ZNF17: variants seen among roughly 807,000 people sequenced by gnomAD.
ZNF17 encodes zinc finger protein 17 (HPF3, KOX 10).
ZNF17 carries 4 observed loss-of-function variants against 7.7 expected under a neutral mutation model. The observed-to-expected ratio is 0.52, with a 90% CI of 0.26 to 1.20. ZNF17 has a LOEUF of 1.20. Among genes scored for constraint, ZNF17 ranks in the 50% most tolerant of loss-of-function variants. ZNF17 has a pLI of 0.14. For synonymous variants in ZNF17, 249 were observed against 258.8 expected (o/e 0.96, Z 0.36); for missense variants, 738 against 799.5 (o/e 0.92, Z 0.93).
rs1443985820 is a variant in ZNF17 at position 57,419,620 on chromosome 19, G to T, written c.149-15G>T. The T allele has an allele frequency of 8.1e-6, 13 of 1,599,506 alleles. No individual in the cohort carries two copies. The highest frequency in any genetic ancestry group is 1.1e-5 in the Non-Finnish European group (13 of 1,170,816). ...TCCAAAGTCATCATGCACTTCATGAGCATTTCTGTTTTAGGTTGTTGGCAT... is the reference window on the plus strand; with the variant it reads ...TCCAAAGTCATCATGCACTTCATGATCATTTCTGTTTTAGGTTGTTGGCAT... On this transcript the variant is annotated splice_polypyrimidine_tract_variant and intron_variant, in intron 3 of 3. Transcript: ENST00000307658.
chr19:57,411,660 G>T, intron 1 of ZNF17: 1 of 1,343,568 alleles, frequency 7.4e-7, no homozygotes. Flanking sequence ...GGGTGAGGCG[G>T]AGTCTCGCCT....
At chr19:57,414,280 G>T (rs2088797245) in intron 2 of ZNF17, among the ~76,000 whole-genome samples, 2 of 151,400 alleles carry the variant, frequency 1.3e-5, no homozygotes, top group South Asian at 4.2e-4. Context: ...TGATCTGCCT[G>T]CCTCGGCCCT....
At position 57,420,261 on chromosome 19, in the gene ZNF17, C is replaced by T. The variant is rs377310839; in HGVS notation, c.775C>T (p.Leu259Phe). 1.6e-4 allele frequency: 254 copies of T among 1,613,892 alleles called. No individual in the cohort carries two copies. The highest frequency in any genetic ancestry group is 2.1e-4 in the Non-Finnish European group (250 of 1,180,016). ...TAGTGAATGTGGAAAAGCCTTCAGC[C>T]TCAAATACAATGTTGTTCAACACCA... ...KCSECGKAFS[L>F]KYNVVQHQKI... Residue 259 changes from leucine (L) to phenylalanine (F), a missense_variant, in exon 4 of 4, where the codon CTC becomes TTC. Coordinates refer to ENST00000307658, the MANE Select transcript of ZNF17 (RefSeq NM_001330617.2).
At position 57,421,077 on chromosome 19, in the gene ZNF17, A is replaced by G. The variant is rs1029457407; in HGVS notation, c.1591A>G (p.Ser531Gly). 2.5e-6 allele frequency: 4 copies of G among 1,614,160 alleles called. No individual in the cohort carries two copies. The highest frequency in any genetic ancestry group is 3.4e-6 in the Non-Finnish European group (4 of 1,179,978). ...CACTGGTGAAAGGCCTTATGAGTGTAGTGAATGTGGGAAATTCTTTAGGCA... is the reference window on the plus strand; with the variant it reads ...CACTGGTGAAAGGCCTTATGAGTGTGGTGAATGTGGGAAATTCTTTAGGCA... The part of the protein sequence containing the change: ...IHTGERPYEC[S>G]ECGKFFRHNS... Residue 531 changes from serine to glycine, a missense_variant, in exon 4 of 4, where the codon AGT becomes GGT. By Grantham distance (56) the Ser-to-Gly change is moderately conservative (BLOSUM62 0). Transcript: ENST00000307658.
At chr19:57,412,197 G>T (rs1192649246) in intron 1 of ZNF17, among the ~76,000 whole-genome samples, 3 of 152,122 alleles carry the variant, frequency 2.0e-5, no homozygotes, top group Non-Finnish European at 4.4e-5. Context: ...GTGTGAGGTG[G>T]TTTAGATTTC....
chr19:57,418,119 C>G, intron 3 of ZNF17, 81 bp downstream of exon 3: 2 of 1,538,314 alleles, frequency 1.3e-6, no homozygotes, highest in Admixed American at 1.8e-5. Flanking sequence ...CGTCTCACAC[C>G]AGGTCATGGA....
At position 57,411,272 on chromosome 19, in the gene ZNF17, T is replaced by G; in HGVS notation, c.-155T>G. 1.4e-6 allele frequency: 2 copies of G among 1,410,406 alleles called. No homozygotes were observed. Among genetic ancestry groups the G allele is most frequent in the East Asian group, 2.4e-5 (1 of 40,852 alleles). The allele number at this position is 1,410,406 out of a possible 1,614,324, so 87.4% of individuals were successfully genotyped here. ...AACGCGAGAAAAGGTTTCCCCGTTGTACAGAGGCTAGAGTGAGGCTCGGTT... is the reference window on the plus strand; with the variant it reads ...AACGCGAGAAAAGGTTTCCCCGTTGGACAGAGGCTAGAGTGAGGCTCGGTT... On this transcript the variant is annotated 5_prime_UTR_variant, in exon 1 of 4. Coordinates refer to ENST00000307658, the MANE Select transcript of ZNF17 (RefSeq NM_001330617.2).
chr19:57,421,094 CT>C lies in ZNF17; in HGVS notation c.1611del (p.Phe537LeufsTer155), dbSNP rs2088848300. On this transcript the variant is annotated frameshift_variant, in exon 4 of 4. Coordinates refer to ENST00000307658, the MANE Select transcript of ZNF17 (RefSeq NM_001330617.2). LOFTEE classifies it low-confidence loss of function (END_TRUNC). Reference protein sequence around the residue: ...PYECSECGKFFRHNSNHIRHR... With the variant: ...PYECSECGKFXRHNSNHIRHR... The stretch of plus-strand genomic sequence containing the variant: ...ATGAGTGTAGTGAATGTGGGAAATT[CT>C]TTAGGCACAACTCAAATCATATTAG... The C allele has an allele frequency of 6.2e-7, 1 of 1,614,062 alleles. No homozygotes were observed. Among genetic ancestry groups the C allele is most frequent in the South Asian group, 1.1e-5 (1 of 91,084 alleles).
intron 2 of ZNF17, among the ~76,000 whole-genome samples, chr19:57,417,187 A>G (rs1307137282): frequency 4.6e-5 from 7 of 152,130 alleles, no homozygotes; most frequent in African/African-American, 1.7e-4. Flanking sequence ...ATGCCACATC[A>G]CATAAAGCCA....
Position 57,419,991 on chromosome 19 carries a change from C to T in ZNF17, c.505C>T (p.Leu169Phe), listed in dbSNP as rs757894846. The part of the protein sequence containing the change: ...TGDSDLQQQA[L>F]HSGWKPHRDT... ...TGATTCAGATCTTCAACAACAGGCT[C>T]TTCACAGTGGGTGGAAGCCACACAG... The change falls in exon 4 of 4, where the codon CTT becomes TTT. Residue 169 changes from leucine (L) to phenylalanine (F), a missense_variant. Leu to Phe is a conservative substitution (Grantham distance 22). Around this residue, in one of 3 missense-constraint regions of ZNF17, gnomAD observed 616 missense variants for 663.9 expected, o/e 0.93. Coordinates refer to ENST00000307658, the MANE Select transcript of ZNF17 (RefSeq NM_001330617.2). 13 of 1,614,086 alleles carry T rather than the reference C, an allele frequency of 8.1e-6. No homozygotes were observed. In the African/African-American group the frequency reaches 1.5e-4, roughly 18 times the overall value.
intron 2 of ZNF17, 23 bp from the exon 3 acceptor site, chr19:57,417,889 C>T: frequency 6.3e-7 from 1 of 1,591,324 alleles, no homozygotes; most frequent in Non-Finnish European, 8.6e-7. Flanking sequence ...TGCTCACAGA[C>T]TAAACTGTTA....
intron 1 of ZNF17, chr19:57,411,725 C>A (rs998062488): frequency 3.3e-6 from 4 of 1,200,526 alleles, no homozygotes; most frequent in African/African-American, 1.5e-5. Flanking sequence ...AAGGGTTATG[C>A]CCAGAGGTAG....
Position 57,421,448 on chromosome 19 carries a change from T to A in ZNF17, c.1962T>A (p.His654Gln), listed in dbSNP as rs755132781. The change falls in exon 4 of 4, where the codon CAT becomes CAA. Residue 654 changes from histidine to glutamine, a missense_variant. By Grantham distance (24) the His-to-Gln change is conservative (BLOSUM62 0). Coordinates refer to ENST00000307658, the MANE Select transcript of ZNF17 (RefSeq NM_001330617.2). ...ECGRVFNQNS[H>Q]LIQHQKVHTR Reference sequence around the variant, plus strand: ...GAAGAGTCTTTAACCAAAATTCTCATCTCATTCAGCACCAGAAAGTTCACA... The same window carrying A: ...GAAGAGTCTTTAACCAAAATTCTCAACTCATTCAGCACCAGAAAGTTCACA... 6 of 1,611,426 alleles carry A rather than the reference T, an allele frequency of 3.7e-6. No homozygotes were observed. In the East Asian group the frequency reaches 1.3e-4, roughly 36 times the overall value.
chr19:57,420,845 T>G lies in ZNF17; in HGVS notation c.1359T>G (p.Phe453Leu). The change falls in exon 4 of 4, where the codon TTT (phenylalanine) becomes TTG (leucine). Residue 453 changes from phenylalanine to leucine, a missense_variant. Coordinates refer to ENST00000307658, the MANE Select transcript of ZNF17 (RefSeq NM_001330617.2). ...PYECNKCGKF[F>L]RYCFTLNRHQ... ...AATGCAACAAATGTGGGAAATTCTT[T>G]AGGTATTGCTTCACACTGAATAGAC... The G allele has an allele frequency of 6.2e-7, 1 of 1,614,196 alleles. No individual in the cohort carries two copies. The highest frequency in any genetic ancestry group is 8.5e-7 in the Non-Finnish European group (1 of 1,180,042).
intron 1 of ZNF17, 32 bp downstream of exon 1, chr19:57,411,438 A>G: frequency 6.2e-7 from 1 of 1,607,168 alleles, no homozygotes; most frequent in Non-Finnish European, 8.5e-7. Context: ...GCCCCGCCCG[A>G]TCCCTCCTCC....
In ZNF17 at chr19:57,421,670, A is replaced by C. The variant is rs537961604; in HGVS notation, c.*189A>C. 9.8e-6 allele frequency: 6 copies of C among 611,960 alleles called. No individual in the cohort carries two copies. The highest frequency in any genetic ancestry group is 9.3e-5 in the African/African-American group (5 of 53,630). 37.9% of individuals were successfully genotyped at this position (611,960 alleles called of 1,614,324 possible). On this transcript the variant is annotated 3_prime_UTR_variant, in exon 4 of 4. Transcript: ENST00000307658. ...TTCACATTGTGCAATGAATATCTAG[A>C]AGTCTTTTCAACTTATGAAACTAAG...
In ZNF17 at chr19:57,419,664, G is replaced by C; in HGVS notation, c.178G>C (p.Ala60Pro). ...TTGGCATGGAGCCAAGGATGAGGAG[G>C]CACCTTCCAAGCAATGTGTTTCTGT... ...GCWHGAKDEE[A>P]PSKQCVSVGV... The change falls in exon 4 of 4, where the codon GCA becomes CCA. Residue 60 changes from alanine (A) to proline (P), a missense_variant. By Grantham distance (27) the Ala-to-Pro change is conservative (BLOSUM62 -1). Around this residue, in one of 3 missense-constraint regions of ZNF17, gnomAD observed 616 missense variants for 663.9 expected, o/e 0.93. Coordinates refer to ENST00000307658, the MANE Select transcript of ZNF17 (RefSeq NM_001330617.2). 6.2e-7 allele frequency: 1 copy of C among 1,613,550 alleles called. No homozygotes were observed. Among genetic ancestry groups the C allele is most frequent in the Non-Finnish European group, 8.5e-7 (1 of 1,179,556 alleles).
In ZNF17 at chr19:57,420,335, A is replaced by G; in HGVS notation, c.849A>G (p.Lys283=). Residue 283 remains lysine (K), a synonymous_variant, in exon 4 of 4, where the codon AAA becomes AAG. Coordinates refer to ENST00000307658, the MANE Select transcript of ZNF17 (RefSeq NM_001330617.2). ...ERPYECSECG[K]AFLRKSHLLQ... The stretch of plus-strand genomic sequence containing the variant: ...CTTATGAGTGCAGTGAATGTGGGAA[A>G]GCTTTTCTTAGAAAGTCTCACCTAC... 2 of 1,613,834 alleles carry G rather than the reference A, an allele frequency of 1.2e-6. No homozygotes were observed. Among genetic ancestry groups the G allele is most frequent in the East Asian group, 2.2e-5 (1 of 44,824 alleles).
chr19:57,420,285 C>T lies in ZNF17; in HGVS notation c.799C>T (p.Gln267Ter), dbSNP rs1183423687. The change falls in exon 4 of 4, where the codon CAG (glutamine) becomes TAG (stop). Residue 267 changes from glutamine to a stop codon, truncating the protein, a stop_gained. Transcript: ENST00000307658. LOFTEE classifies it low-confidence loss of function (END_TRUNC). ...CCTCAAATACAATGTTGTTCAACAC[C>T]AGAAAATTCACACTGGAGAAAGGCC... ...FSLKYNVVQHQKIHTGERPYE... is the reference protein window; with the variant it reads ...FSLKYNVVQH 2.5e-6 allele frequency: 4 copies of T among 1,614,032 alleles called. No individual in the cohort carries two copies. The highest frequency in any genetic ancestry group is 3.4e-6 in the Non-Finnish European group (4 of 1,180,006).
Sources: gnomAD v4.1 joint callset for allele counts (sites outside exome capture counted in the v4.1 genomes callset) on GRCh38, gnomAD v4.1.1 for gene constraint, gnomAD v4.1.1 regional missense constraint, MANE v1.5 for transcripts, NCBI Gene and HGNC (gene_info 2026-07-23, HGNC 2026-07-21) for gene names.